FSHR: variants seen among roughly 807,000 people sequenced by gnomAD.
The protein encoded by FSHR is follicle stimulating hormone receptor.
A neutral mutation model predicts 52.1 loss-of-function variants in FSHR; 46 were observed. The ratio of observed to expected loss-of-function variants is 0.88; its 90% CI spans 0.70 to 1.13. The LOEUF (loss-of-function observed/expected upper bound fraction) is 1.13. FSHR is among the 50% of genes most tolerant of loss of function. The probability of loss-of-function intolerance (pLI) is 0.00; values close to 1 mark genes in which losing one functional copy is unlikely to be tolerated. For missense variants in FSHR, 964 were observed against 834.6 expected (o/e 1.16, Z -1.91); for synonymous variants, 399 against 309.6 (o/e 1.29, Z -3.03).
At chr2:48,964,918 G>A (rs1285575474) in intron 9 of FSHR, among the ~76,000 whole-genome samples, 1 of 151,304 alleles carries the variant, frequency 6.6e-6, no homozygotes, top group Non-Finnish European at 1.5e-5. Flanking sequence ...GTAGAAACAA[G>A]AAAGGTAATA....
At chr2:49,036,147 A>G (rs1668264708) in intron 2 of FSHR, among the ~76,000 whole-genome samples, 1 of 152,206 alleles carries the variant, frequency 6.6e-6, no homozygotes, top group African/African-American at 2.4e-5. Context: ...ATTAATCAAC[A>G]TCTGTAGCCA....
chr2:49,085,964 T>TGGGGGGGGGG (rs779337337), intron 1 of FSHR, among the ~76,000 whole-genome samples: 1 of 81,658 alleles, frequency 1.2e-5, no homozygotes. Context: ...GGGCCTGTTG[T>TGGGGGGGGGG]GGGGGGGGGG....
chr2:48,985,308 C>A (rs533896375), intron 6 of FSHR, among the ~76,000 whole-genome samples: 29 of 152,082 alleles, frequency 1.9e-4, no homozygotes, highest in Non-Finnish European at 4.0e-4. Flanking sequence ...GGGACTTGGC[C>A]CTTTAAAACT....
intron 8 of FSHR, among the ~76,000 whole-genome samples, chr2:48,978,853 A>G (rs957273041): frequency 6.6e-6 from 1 of 152,060 alleles, no homozygotes; most frequent in Non-Finnish European, 1.5e-5. Context: ...CTCAACTACA[A>G]ATTTTGCCTT....
At chr2:49,005,775 T>A (rs895526602) in intron 4 of FSHR, among the ~76,000 whole-genome samples, 1 of 152,176 alleles carries the variant, frequency 6.6e-6, no homozygotes, top group African/African-American at 2.4e-5. Flanking sequence ...ATCCCTGGAT[T>A]ATGGCAACTG....
chr2:48,980,044 T>A (rs769247169), intron 8 of FSHR, among the ~76,000 whole-genome samples: 6 of 152,206 alleles, frequency 3.9e-5, no homozygotes, highest in African/African-American at 9.7e-5. Flanking sequence ...TGGAATAAGC[T>A]ATTAGTCTTC....
In FSHR at chr2:48,963,250, C is replaced by T; in HGVS notation, c.1571G>A (p.Ser524Asn). 2 of 1,614,164 alleles carry T rather than the reference C, an allele frequency of 1.2e-6. No individual in the cohort carries two copies. Among genetic ancestry groups the T allele is most frequent in the Non-Finnish European group, 8.5e-7 (1 of 1,180,020 alleles). ...CATGACATACAGCTGTGACAAAGGG[C>T]TGTCAATATCCATGGGCAGGCAGAT... ...VSICLPMDID[S>N]PLSQLYVMSL... Residue 524 changes from serine to asparagine, a missense_variant, in exon 10 of 10, where the codon AGC (serine) becomes AAC (asparagine). Physicochemically the swap from Ser to Asn is conservative, Grantham distance 46. Transcript: ENST00000406846.
At chr2:49,102,762 A>G (rs776637212) in intron 1 of FSHR, among the ~76,000 whole-genome samples, 4 of 152,326 alleles carry the variant, frequency 2.6e-5, no homozygotes, top group Non-Finnish European at 5.9e-5. Context: ...TGTATCCGAA[A>G]TAATAAAATA....
chr2:49,021,886 T>TAGAGAGAGAGAGAG (rs58926557), intron 2 of FSHR, among the ~76,000 whole-genome samples: 7 of 25,116 alleles, frequency 2.8e-4, no homozygotes, highest in Admixed American at 1.7e-3. Flanking sequence ...TATATATATA[T>TAGAGAGAGAGAGAG]AGAGAGAGAG....
chr2:48,996,535 G>C (rs958948904), intron 4 of FSHR, among the ~76,000 whole-genome samples: 2 of 151,864 alleles, frequency 1.3e-5, no homozygotes, highest in Non-Finnish European at 2.9e-5. Flanking sequence ...TCATGTTCTG[G>C]AGTATATAAC....
intron 9 of FSHR, among the ~76,000 whole-genome samples, 199 bp downstream of exon 9, chr2:48,968,499 A>T (rs1412905498): frequency 6.6e-6 from 1 of 152,240 alleles, no homozygotes; most frequent in Non-Finnish European, 1.5e-5. Context: ...CTCTCCTGTG[A>T]GCCCACTTTC....
chr2:49,021,875 A>ATATGTATG (rs1216071054), intron 2 of FSHR, among the ~76,000 whole-genome samples: 11 of 51,210 alleles, frequency 2.1e-4, no homozygotes, highest in African/African-American at 5.9e-4. Context: ...ATATATATAT[A>ATATGTATG]TATATATATA....
At chr2:48,979,497 A>G (rs972336212) in intron 8 of FSHR, among the ~76,000 whole-genome samples, 1 of 151,788 alleles carries the variant, frequency 6.6e-6, no homozygotes, top group Non-Finnish European at 1.5e-5. Flanking sequence ...ACTGAGAACC[A>G]CTCACAGCTG....
chr2:49,014,579 A>T (rs1185763168), intron 4 of FSHR: 1 of 231,230 alleles, frequency 4.3e-6, no homozygotes, highest in Non-Finnish European at 8.6e-6. Flanking sequence ...GGAAGGGCCA[A>T]GGGGGTCCTC....
At chr2:48,981,976 G>A (rs891142867) in intron 8 of FSHR, among the ~76,000 whole-genome samples, 18 of 152,166 alleles carry the variant, frequency 1.2e-4, no homozygotes, top group Admixed American at 1.1e-3. Context: ...CTATTGCTCT[G>A]CTCACCATTC....
intron 1 of FSHR, among the ~76,000 whole-genome samples, chr2:49,093,924 A>G (rs1670716730): frequency 6.6e-6 from 1 of 152,124 alleles, no homozygotes; most frequent in Non-Finnish European, 1.5e-5. Flanking sequence ...TATATTTAAA[A>G]TGGATTTATT....
chr2:48,967,231 G>GA (rs1674516976), intron 9 of FSHR, among the ~76,000 whole-genome samples: 1 of 152,108 alleles, frequency 6.6e-6, no homozygotes, highest in Admixed American at 6.5e-5. Flanking sequence ...GAGTAGGTGG[G>GA]ACTACAGGCA....
intron 1 of FSHR, among the ~76,000 whole-genome samples, chr2:49,097,407 C>T (rs1205287542): frequency 6.6e-6 from 1 of 152,158 alleles, no homozygotes; most frequent in African/African-American, 2.4e-5. Context: ...GGGAACTTCA[C>T]AATTTTGGCT....
chr2:49,106,283 T>C (rs1159854581), intron 1 of FSHR, among the ~76,000 whole-genome samples: 1 of 151,886 alleles, frequency 6.6e-6, no homozygotes, highest in Non-Finnish European at 1.5e-5. Context: ...TAGGAGTGAG[T>C]GACTATATCA....
Sources: allele counts gnomAD v4.1 joint callset (sites outside exome capture counted in the v4.1 genomes callset), GRCh38; gene constraint gnomAD v4.1.1; transcripts MANE v1.5; gene names NCBI Gene and HGNC (gene_info 2026-07-23, HGNC 2026-07-21).